The following DCC variants were observed in gnomAD, a reference collection of about 807,000 sequenced individuals.
The protein encoded by DCC is netrin receptor DCC.
In DCC, 58 loss-of-function variants were observed where a neutral mutation model predicts 172.5. The observed-to-expected ratio is 0.34, with a 90% CI of 0.27 to 0.42. The LOEUF (loss-of-function observed/expected upper bound fraction) is 0.42, where lower values mean the gene tolerates loss of function less well. DCC is among the 10% of genes least tolerant of loss of function. The pLI, the probability that DCC is intolerant of heterozygous loss-of-function variation, is 1.00. For missense variants in DCC, 1,740 were observed against 1,791.0 expected, an observed-to-expected ratio of 0.97 and a Z score of 0.51; for synonymous variants, 709 against 644.5, an observed-to-expected ratio of 1.10 and a Z score of -1.52.
chr18:52,514,998 A>T (rs933472055), intron 1 of DCC, among the ~76,000 whole-genome samples: 1 of 152,208 alleles, frequency 6.6e-6, no homozygotes, highest in African/African-American at 2.4e-5. Flanking sequence ...CCAAATCCAG[A>T]CAAATACAGT....
intron 1 of DCC, among the ~76,000 whole-genome samples, chr18:52,492,925 CTT>C (rs2030577930): frequency 6.6e-6 from 1 of 151,972 alleles, no homozygotes; most frequent in Non-Finnish European, 1.5e-5. Flanking sequence ...TCAGGGTTCA[CTT>C]AAGACCATAA....
intron 1 of DCC, among the ~76,000 whole-genome samples, chr18:52,668,661 T>C (rs1171199213): frequency 5.3e-5 from 8 of 152,238 alleles, no homozygotes; most frequent in Admixed American, 5.2e-4. Context: ...GAGTAATGGC[T>C]TTTTCTTTGT....
At chr18:53,461,597 T>A (rs866971844) in intron 24 of DCC, among the ~76,000 whole-genome samples, 4 of 152,242 alleles carry the variant, frequency 2.6e-5, no homozygotes, top group African/African-American at 9.6e-5. Context: ...GTTGTAGATA[T>A]GTGGCTTTAT....
Position 53,499,494 on chromosome 18 carries a change from A to T in DCC, c.4095A>T (p.Pro1365=), listed in dbSNP as rs972126301. The T allele has an allele frequency of 1.2e-6, 2 of 1,613,818 alleles. No homozygotes were observed. Among genetic ancestry groups the T allele is most frequent in the Non-Finnish European group, 1.7e-6 (2 of 1,179,806 alleles). ...SAIEPKVPYT[P]LLSQPGPTLP... ...TAGAACCGAAAGTCCCTTACACACC[A>T]CTTTTGTCTCAGCCAGGTAAAGTAC... The change falls in exon 27 of 29, where the codon CCA becomes CCT. Residue 1365 remains proline, a synonymous_variant. Coordinates refer to ENST00000442544, the MANE Select transcript of DCC (RefSeq NM_005215.4).
intron 24 of DCC, among the ~76,000 whole-genome samples, chr18:53,463,455 TA>T (rs2045583427): frequency 6.6e-6 from 1 of 152,038 alleles, no homozygotes; most frequent in Non-Finnish European, 1.5e-5. Flanking sequence ...CTCTCCTGCT[TA>T]AAAAAACAAA....
intron 1 of DCC, among the ~76,000 whole-genome samples, chr18:52,748,392 C>G (rs910678394): frequency 2.0e-5 from 3 of 152,242 alleles, no homozygotes; most frequent in Non-Finnish European, 2.9e-5. Flanking sequence ...TGTGTCAGAG[C>G]TCTGGCTCCG....
chr18:53,269,047 C>T (rs2056716452), intron 12 of DCC, among the ~76,000 whole-genome samples: 1 of 152,058 alleles, frequency 6.6e-6, no homozygotes, highest in Non-Finnish European at 1.5e-5. Flanking sequence ...GCAAGTTTTA[C>T]TCAAGTTTAG....
At position 53,305,784 on chromosome 18, in the gene DCC, T is replaced by C. The variant is rs3817093; in HGVS notation, c.2053+65T>C. The C allele has an allele frequency of 4.2e-3, 6,317 of 1,512,526 alleles. 121 individuals are homozygous for C. The East Asian group carries it at 0.054, about 13-fold the overall frequency. 93.7% of individuals were successfully genotyped at this position (1,512,526 alleles called of 1,614,324 possible). ...AATTAAATGCTTTAGGAATAAAATA[T>C]AGTCTCACTCCAAAGGAACATTGAT... is the stretch of plus-strand genomic sequence containing the variant. On this transcript the variant is annotated intron_variant, in intron 13 of 28. Transcript: ENST00000442544.
chr18:52,765,784 A>T (rs112515475), intron 2 of DCC, among the ~76,000 whole-genome samples: 177 of 152,318 alleles, frequency 1.2e-3, no homozygotes, highest in African/African-American at 4.1e-3. Flanking sequence ...CACAGGCTTC[A>T]GAGCTAGTCA....
chr18:53,471,445 A>C (rs1483738324), intron 25 of DCC, among the ~76,000 whole-genome samples: 2 of 152,154 alleles, frequency 1.3e-5, no homozygotes, highest in African/African-American at 4.8e-5. Context: ...CTTTGCCTTT[A>C]CAGTCAATTC....
In DCC at chr18:53,530,659, A is replaced by C; in HGVS notation, c.*6A>C. The C allele has an allele frequency of 3.3e-6, 5 of 1,493,440 alleles. No homozygotes were observed. The highest frequency in any genetic ancestry group is 4.7e-6 in the Non-Finnish European group (5 of 1,069,764). The allele number at this position is 1,493,440 out of a possible 1,614,324, so 92.5% of individuals were successfully genotyped here. ...TCACAGGCTCAGCCTTTTAACATGT[A>C]TTTCTGAATGGATGAGGTGAATTTT... On this transcript the variant is annotated 3_prime_UTR_variant, in exon 29 of 29. Coordinates refer to ENST00000442544, the MANE Select transcript of DCC (RefSeq NM_005215.4).
intron 7 of DCC, among the ~76,000 whole-genome samples, chr18:53,087,937 C>A (rs575976153): frequency 4.0e-5 from 6 of 151,886 alleles, no homozygotes; most frequent in African/African-American, 1.5e-4. Flanking sequence ...ATTTCTGAGG[C>A]CTCTGTTCTG....
intron 1 of DCC, among the ~76,000 whole-genome samples, chr18:52,567,961 C>A (rs1183843469): frequency 6.6e-6 from 1 of 152,112 alleles, no homozygotes; most frequent in Non-Finnish European, 1.5e-5. Flanking sequence ...AGAGCACCTA[C>A]AAAACTGATG....
intron 2 of DCC, among the ~76,000 whole-genome samples, chr18:52,856,824 A>G (rs910736150): frequency 2.6e-4 from 40 of 152,052 alleles, no homozygotes; most frequent in African/African-American, 9.2e-4. Context: ...CCTTTGCATG[A>G]CTCTAAAACA....
chr18:52,932,699 G>A (rs191228660), intron 5 of DCC, among the ~76,000 whole-genome samples: 1 of 152,156 alleles, frequency 6.6e-6, no homozygotes, highest in Admixed American at 6.6e-5. Context: ...ACCTTACACA[G>A]ATGTGTTCAA....
intron 1 of DCC, among the ~76,000 whole-genome samples, chr18:52,558,846 T>C (rs1294677240): frequency 6.6e-6 from 1 of 152,172 alleles, no homozygotes; most frequent in Non-Finnish European, 1.5e-5. Context: ...AATTAACTGG[T>C]GAACACATAG....
intron 5 of DCC, among the ~76,000 whole-genome samples, chr18:53,045,911 G>A (rs192531970): frequency 2.2e-4 from 33 of 151,882 alleles, no homozygotes; most frequent in East Asian, 7.8e-4. Context: ...TGTTTTCATC[G>A]ACTGGGCAGG....
intron 2 of DCC, among the ~76,000 whole-genome samples, chr18:52,881,039 G>C (rs1282339758): frequency 6.6e-6 from 1 of 151,892 alleles, no homozygotes; most frequent in African/African-American, 2.4e-5. Flanking sequence ...CTGTCTTTGG[G>C]ATAAAAGCCA....
At chr18:53,318,429 G>A (rs767369248) in intron 13 of DCC, among the ~76,000 whole-genome samples, 3 of 152,090 alleles carry the variant, frequency 2.0e-5, no homozygotes, top group South Asian at 2.1e-4. Context: ...GAATAAGTGC[G>A]ATGTGGTGCT....
Sources: allele counts gnomAD v4.1 joint callset (sites outside exome capture counted in the v4.1 genomes callset), GRCh38; gene constraint gnomAD v4.1.1; transcripts MANE v1.5; gene names NCBI Gene and HGNC (gene_info 2026-07-23, HGNC 2026-07-21).